CDH4: variants seen among roughly 807,000 people sequenced by gnomAD.
CDH4 encodes the protein cadherin 4, also known as cadherin-4.
Under a neutral mutation model 86.0 loss-of-function variants are expected in CDH4, and 33 were observed. That is an observed-to-expected ratio of 0.38 (90% CI 0.29 to 0.51). The LOEUF (loss-of-function observed/expected upper bound fraction) is 0.51. Among genes scored for constraint, CDH4 ranks in the 20% least tolerant of loss-of-function variants. CDH4 has a pLI of 0.86. For synonymous variants in CDH4, 555 were observed against 549.4 expected, an observed-to-expected ratio of 1.01 and a Z score of -0.14; for missense variants, 1,114 against 1,307.4, an observed-to-expected ratio of 0.85 and a Z score of 2.28.
intron 2 of CDH4, among the ~76,000 whole-genome samples, chr20:61,583,226 T>C (rs79764499): frequency 1.4e-4 from 9 of 66,412 alleles, no homozygotes; most frequent in African/African-American, 4.3e-4. Flanking sequence ...GGACAGACGG[T>C]TCTGCGGGGG....
At chr20:61,336,130 C>A (rs891273123) in intron 2 of CDH4, among the ~76,000 whole-genome samples, 3 of 152,144 alleles carry the variant, frequency 2.0e-5, no homozygotes, top group African/African-American at 7.2e-5. Context: ...GGGAACTTTC[C>A]CCTTCTTAGA....
At position 61,516,840 on chromosome 20, in the gene CDH4, C is replaced by G. The variant is rs2085825199; in HGVS notation, c.170-226723C>G. 6.6e-6 allele frequency among the ~76,000 whole-genome samples: 1 copy of G among 152,176 alleles called. No individual in the cohort carries two copies. Among genetic ancestry groups the G allele is most frequent in the Admixed American group, 6.5e-5 (1 of 15,286 alleles). On this transcript the variant is annotated intron_variant, in intron 2 of 15. Transcript: ENST00000614565. The surrounding 1 kb of genome is among the most constrained non-coding windows in gnomAD (Gnocchi z 4.0). Reference sequence around the variant, plus strand: ...ACCTGGGCTCGCTGTCCACACAGCCCCTGCTCCCCTACTCCCTGGCTCCTC... The same window carrying G: ...ACCTGGGCTCGCTGTCCACACAGCCGCTGCTCCCCTACTCCCTGGCTCCTC...
intron 2 of CDH4, among the ~76,000 whole-genome samples, chr20:61,626,755 C>T (rs1315949973): frequency 6.6e-6 from 1 of 152,198 alleles, no homozygotes; most frequent in Non-Finnish European, 1.5e-5. Flanking sequence ...TTGTCACCTC[C>T]ACCTATAGAT....
intron 2 of CDH4, among the ~76,000 whole-genome samples, chr20:61,659,715 A>G (rs2087232078): frequency 6.8e-6 from 1 of 146,230 alleles, no homozygotes; most frequent in Non-Finnish European, 1.5e-5. Flanking sequence ...CAGGCATCCG[A>G]GGCTTGGAGG....
chr20:61,258,741 C>T (rs1018281639), intron 2 of CDH4, among the ~76,000 whole-genome samples: 1 of 152,240 alleles, frequency 6.6e-6, no homozygotes, highest in Non-Finnish European at 1.5e-5. Flanking sequence ...TTCTTCCATT[C>T]TGCCATCTTT....
At chr20:61,906,347 G>A (rs972486175) in intron 8 of CDH4, among the ~76,000 whole-genome samples, 1 of 152,210 alleles carries the variant, frequency 6.6e-6, no homozygotes, top group Non-Finnish European at 1.5e-5. Flanking sequence ...ATAAAAACAG[G>A]CCTCGGGCCA....
intron 3 of CDH4, among the ~76,000 whole-genome samples, chr20:61,770,524 C>G (rs1426455172): frequency 1.3e-5 from 2 of 152,276 alleles, no homozygotes; most frequent in African/African-American, 4.8e-5. Flanking sequence ...ATGGACGCCG[C>G]ATATACGCGT....
chr20:61,565,217 G>GTGCTCT lies in CDH4; in HGVS notation c.170-178344_170-178343insCTCTTG, dbSNP rs1568688459. Among the ~76,000 whole-genome samples, 39 of 55,772 alleles carry GTGCTCT rather than the reference G, an allele frequency of 7.0e-4. 6 individuals carry two copies. The highest frequency in any genetic ancestry group is 1.2e-3 in the Non-Finnish European group (29 of 24,142). The allele number at this position is 55,772 out of a possible 152,430, so 36.6% of individuals were successfully genotyped here. A position where few individuals can be genotyped will look rare whatever the true frequency, so the allele number is the denominator to read the frequency against. On this transcript the variant is annotated intron_variant, in intron 2 of 15. Coordinates refer to ENST00000614565, the MANE Select transcript of CDH4 (RefSeq NM_001794.5). Reference sequence around the variant, plus strand: ...CTTGGTGGTGGTCGCGGTGCTCTCGGTGGTAGGTGGTGGTGGTGGTGGTGG... The same window carrying GTGCTCT: ...CTTGGTGGTGGTCGCGGTGCTCTCGGTGCTCTTGGTAGGTGGTGGTGGTGGTGGTGG...
intron 2 of CDH4, among the ~76,000 whole-genome samples, chr20:61,490,613 C>A (rs1306697040): frequency 1.3e-5 from 2 of 151,992 alleles, no homozygotes; most frequent in Non-Finnish European, 2.9e-5. Flanking sequence ...GCAGGAGAAT[C>A]ATTTGAACCC....
intron 2 of CDH4, among the ~76,000 whole-genome samples, chr20:61,260,520 C>T (rs1015593061): frequency 2.4e-4 from 36 of 152,180 alleles, no homozygotes; most frequent in African/African-American, 8.7e-4. Context: ...TCTAGGGAAC[C>T]TTGGTCTCTG....
intron 2 of CDH4, among the ~76,000 whole-genome samples, chr20:61,294,719 C>G (rs1425301508): frequency 6.6e-6 from 1 of 152,254 alleles, no homozygotes; most frequent in East Asian, 1.9e-4. Context: ...CATTGATGTC[C>G]TCTGGGCCGC....
chr20:61,259,962 G>T (rs937867823), intron 2 of CDH4, among the ~76,000 whole-genome samples: 5 of 152,210 alleles, frequency 3.3e-5, no homozygotes, highest in African/African-American at 1.2e-4. Context: ...CATTTTGTGA[G>T]TTTGAGGATG....
At chr20:61,760,211 C>G (rs975515735) in intron 3 of CDH4, among the ~76,000 whole-genome samples, 16 of 152,136 alleles carry the variant, frequency 1.1e-4, no homozygotes, top group African/African-American at 3.9e-4. Context: ...TCCAGAGAAA[C>G]GTGGTGGTTA....
chr20:61,607,376 T>C (rs1282111143), intron 2 of CDH4, among the ~76,000 whole-genome samples: 1 of 152,196 alleles, frequency 6.6e-6, no homozygotes, highest in Non-Finnish European at 1.5e-5. Flanking sequence ...TTTATTCCAC[T>C]TAAGATGAGA....
intron 2 of CDH4, among the ~76,000 whole-genome samples, chr20:61,428,167 G>T (rs552780015): frequency 6.6e-6 from 1 of 152,256 alleles, no homozygotes; most frequent in East Asian, 1.9e-4. Flanking sequence ...TTGGGACGGT[G>T]AGTTCATTCA....
rs765477686 is a variant in CDH4, at chr20:61,932,972, C to T, written c.2240-13C>T. 3 of 1,609,210 alleles carry T rather than the reference C, an allele frequency of 1.9e-6. No homozygotes were observed. Among genetic ancestry groups the T allele is most frequent in the African/African-American group, 1.3e-5 (1 of 74,902 alleles). ...CGCAGCACACCCTGCTCACGGGCAG[C>T]CCTCCCCCACAGCCATGGTCCTGCT... On this transcript the variant is annotated splice_polypyrimidine_tract_variant and intron_variant, in intron 13 of 15. Transcript: ENST00000614565.
Position 61,754,125 on chromosome 20 carries a change from C to T in CDH4, c.396+10336C>T, listed in dbSNP as rs1187645779. On this transcript the variant is annotated intron_variant, in intron 3 of 15. Coordinates refer to ENST00000614565, the MANE Select transcript of CDH4 (RefSeq NM_001794.5). This position sits in a 1 kb window ranked among gnomAD's most constrained non-coding sequence, Gnocchi z 4.7. ...ACCACCAGGAGCCAGGAGAGACGCC[C>T]AGAGCAGATTCTCCTGCACAGCCTC... 1.3e-5 allele frequency among the ~76,000 whole-genome samples: 2 copies of T among 152,140 alleles called. No homozygotes were observed. Among genetic ancestry groups the T allele is most frequent in the African/African-American group, 4.8e-5 (2 of 41,410 alleles).
chr20:61,702,083 T>C (rs554146074), intron 2 of CDH4, among the ~76,000 whole-genome samples: 41 of 152,264 alleles, frequency 2.7e-4, no homozygotes, highest in African/African-American at 9.9e-4. Flanking sequence ...AATTGGACAA[T>C]GGGAAGAAAG....
intron 2 of CDH4, among the ~76,000 whole-genome samples, chr20:61,300,769 C>G (rs1447717745): frequency 6.6e-6 from 1 of 152,204 alleles, no homozygotes; most frequent in African/African-American, 2.4e-5. Flanking sequence ...GCAGTCTCTT[C>G]TACTCCCAGG....
Sources: allele counts gnomAD v4.1 joint callset (sites outside exome capture counted in the v4.1 genomes callset), GRCh38; gene constraint gnomAD v4.1.1; non-coding constraint Gnocchi (gnomAD v3.1); transcripts MANE v1.5; gene names NCBI Gene and HGNC (gene_info 2026-07-23, HGNC 2026-07-21).